NPSR1: variants seen among roughly 807,000 people sequenced by gnomAD.
NPSR1 encodes neuropeptide S receptor 1.
NPSR1 carries 48 observed loss-of-function variants against 46.9 expected under a neutral mutation model. The ratio of observed to expected loss-of-function variants is 1.02; its 90% CI spans 0.81 to 1.30. The LOEUF is 1.30. Among genes scored for constraint, NPSR1 ranks in the 50% most tolerant of loss-of-function variants. The pLI is 0.00. For synonymous variants in NPSR1, 176 were observed against 168.1 expected (o/e 1.05, Z -0.36); for missense variants, 450 against 449.5 (o/e 1.00, Z -0.01).
rs141759182 is a variant in NPSR1 at position 34,685,899 on chromosome 7, C to G, written c.280+1215C>G. 2.2e-3 allele frequency: 528 copies of G among 238,700 alleles called. 4 individuals are homozygous for G. The highest frequency in any genetic ancestry group is 0.012 in the African/African-American group (520 of 42,036). 14.8% of individuals were successfully genotyped at this position (238,700 alleles called of 1,614,324 possible). On this transcript the variant is annotated intron_variant, in intron 2 of 8. Coordinates refer to ENST00000360581, the MANE Select transcript of NPSR1 (RefSeq NM_207172.2). Reference sequence around the variant, plus strand: ...AAGTTTCTTCAATCTTTCCTACCAACAAGAACTCCAATTTTTCACTCCTAT... The same window carrying G: ...AAGTTTCTTCAATCTTTCCTACCAAGAAGAACTCCAATTTTTCACTCCTAT...
intron 2 of NPSR1, among the ~76,000 whole-genome samples, chr7:34,775,406 T>G (rs1786908782): frequency 6.6e-6 from 1 of 152,186 alleles, no homozygotes; most frequent in Admixed American, 6.5e-5. Flanking sequence ...ATAGTTTGAG[T>G]AAGATGATAT....
intron 2 of NPSR1, among the ~76,000 whole-genome samples, chr7:34,736,664 C>T (rs768130960): frequency 2.6e-5 from 4 of 152,018 alleles, no homozygotes; most frequent in Non-Finnish European, 5.9e-5. Context: ...GCAGTGGTGC[C>T]ATCATAGCTC....
chr7:34,695,993 AT>A (rs1165512894), intron 2 of NPSR1, among the ~76,000 whole-genome samples: 7 of 150,612 alleles, frequency 4.6e-5, no homozygotes, highest in African/African-American at 1.7e-4. Context: ...TAAAAAAGAC[AT>A]TTGCCCTCAT....
chr7:34,855,613 A>G (rs1183220740), intron 8 of NPSR1, among the ~76,000 whole-genome samples: 1 of 152,150 alleles, frequency 6.6e-6, no homozygotes, highest in Non-Finnish European at 1.5e-5. Flanking sequence ...GGACAAAGCA[A>G]CACCAATTTT....
chr7:34,823,417 C>CAAAAAAAAAAAAAAAAAAAA (rs79081202), intron 4 of NPSR1, among the ~76,000 whole-genome samples: 4 of 103,956 alleles, frequency 3.8e-5, no homozygotes, highest in Admixed American at 9.7e-5. Context: ...AAAAAAAAAA[C>CAAAAAAAAAAAAAAAAAAAA]AACACCATAA....
intron 1 of NPSR1, among the ~76,000 whole-genome samples, chr7:34,663,067 C>CTCTCTGTGTGTGTGTG (rs35826710): frequency 1.6e-4 from 16 of 99,416 alleles, no homozygotes; most frequent in Admixed American, 1.1e-3. Flanking sequence ...CTCTCTCTCT[C>CTCTCTGTGTGTGTGTG]TGTGTGTGTG....
At chr7:34,750,430 G>A in intron 2 of NPSR1, 1 of 744,228 alleles carries the variant, frequency 1.3e-6, no homozygotes, top group East Asian at 2.6e-5. Context: ...TAGTACGACG[G>A]GGCTCTGGTG....
intron 2 of NPSR1, among the ~76,000 whole-genome samples, chr7:34,690,045 C>G (rs899865364): frequency 6.6e-6 from 1 of 152,064 alleles, no homozygotes; most frequent in African/African-American, 2.4e-5. Flanking sequence ...CTCTGCCACC[C>G]AGCCTTATAG....
chr7:34,850,560 C>T (rs1476277605), downstream of NPSR1, among the ~76,000 whole-genome samples: 2 of 152,196 alleles, frequency 1.3e-5, no homozygotes, highest in East Asian at 1.9e-4. Context: ...GCCACCACGC[C>T]TGGCTAATTT....
chr7:34,665,034 CT>C (rs1468366083), intron 1 of NPSR1, among the ~76,000 whole-genome samples: 1 of 152,054 alleles, frequency 6.6e-6, no homozygotes, highest in African/African-American at 2.4e-5. Context: ...AAATAGCATT[CT>C]TTTTCTTTGA....
chr7:34,751,531 G>A lies in NPSR1; in HGVS notation c.281-26931G>A. ...CAGCCCCAGCTCCTCCTCCATAGTG[G>A]TCTCGAAACTTGTATTCTTCTCCTT... On this transcript the variant is annotated intron_variant, in intron 2 of 8. Transcript: ENST00000360581. The A allele has an allele frequency of 3.2e-6, 5 of 1,548,312 alleles. No homozygotes were observed. In the South Asian group the frequency reaches 5.6e-5, roughly 17 times the overall value.
At chr7:34,720,769 A>G (rs917465400) in intron 2 of NPSR1, among the ~76,000 whole-genome samples, 4 of 152,186 alleles carry the variant, frequency 2.6e-5, no homozygotes, top group African/African-American at 9.7e-5. Flanking sequence ...ATGTCAGGAA[A>G]AAGTCTTATT....
chr7:34,779,838 A>G (rs558023188), intron 3 of NPSR1: 1 of 199,652 alleles, frequency 5.0e-6, no homozygotes, highest in Non-Finnish European at 1.0e-5. Flanking sequence ...TTATTATCTC[A>G]CAGTTTCTAT....
chr7:34,677,228 C>T (rs1390873476), intron 1 of NPSR1, among the ~76,000 whole-genome samples: 1 of 152,176 alleles, frequency 6.6e-6, no homozygotes, highest in Non-Finnish European at 1.5e-5. Context: ...ATTTTCTGCC[C>T]ACTGGGGACC....
chr7:34,702,578 T>G (rs2128696637), intron 2 of NPSR1, among the ~76,000 whole-genome samples: 1 of 152,342 alleles, frequency 6.6e-6, no homozygotes, highest in South Asian at 2.1e-4. Context: ...TTCTAATGAC[T>G]TATTATCTTG....
intron 2 of NPSR1, among the ~76,000 whole-genome samples, chr7:34,769,719 C>T (rs931143834): frequency 2.0e-5 from 3 of 152,180 alleles, no homozygotes; most frequent in Admixed American, 6.5e-5. Context: ...CTTGTCCACC[C>T]GCTTTTGTGC....
chr7:34,874,528 A>G (rs568259202), intron 8 of NPSR1, among the ~76,000 whole-genome samples: 1 of 152,276 alleles, frequency 6.6e-6, no homozygotes, highest in Non-Finnish European at 1.5e-5. Context: ...GAATTGCGCA[A>G]GGGCCGCAAT....
At chr7:34,699,142 G>A (rs969430745) in intron 2 of NPSR1, among the ~76,000 whole-genome samples, 1 of 152,108 alleles carries the variant, frequency 6.6e-6, no homozygotes, top group Non-Finnish European at 1.5e-5. Context: ...ATTAAAAGAG[G>A]CTGCTGGCTC....
At chr7:34,741,993 G>A (rs896965001) in intron 2 of NPSR1, among the ~76,000 whole-genome samples, 3 of 152,136 alleles carry the variant, frequency 2.0e-5, no homozygotes, top group African/African-American at 7.2e-5. Flanking sequence ...TCCCTACTCT[G>A]CCATTGTTGG....
Sources: gnomAD v4.1 joint callset for allele counts (sites outside exome capture counted in the v4.1 genomes callset) on GRCh38, gnomAD v4.1.1 for gene constraint, MANE v1.5 for transcripts, NCBI Gene and HGNC (gene_info 2026-07-23, HGNC 2026-07-21) for gene names.